The following FARS2 variants were observed in gnomAD, a reference collection of about 807,000 sequenced individuals.
FARS2 encodes phenylalanyl-tRNA synthetase 2, mitochondrial, also known as phenylalanine--tRNA ligase, mitochondrial.
Under a neutral mutation model 46.4 loss-of-function variants are expected in FARS2, and 40 were observed. The observed-to-expected ratio is 0.86, with a 90% CI of 0.67 to 1.12. FARS2 has a LOEUF of 1.12. Ranked by LOEUF, FARS2 falls within the 50% of genes most tolerant of loss-of-function variation. The probability of loss-of-function intolerance (pLI) is 0.00; values close to 1 mark genes in which losing one functional copy is unlikely to be tolerated. For missense variants in FARS2, 513 were observed against 567.9 expected (o/e 0.90, Z 0.98); for synonymous variants, 234 against 214.9 (o/e 1.09, Z -0.78).
chr6:5,479,711 A>G (rs1053124922), intron 4 of FARS2, among the ~76,000 whole-genome samples: 6 of 152,240 alleles, frequency 3.9e-5, no homozygotes, highest in South Asian at 2.1e-4. Flanking sequence ...TATCGTGTAT[A>G]TAAAATTCCA....
chr6:5,666,831 A>G (rs992524299), intron 6 of FARS2, among the ~76,000 whole-genome samples: 17 of 152,236 alleles, frequency 1.1e-4, no homozygotes, highest in Non-Finnish European at 1.5e-4. Context: ...AGGATCATCA[A>G]TGGTAGACGA....
intron 3 of FARS2, among the ~76,000 whole-genome samples, chr6:5,406,322 A>T (rs1761592333): frequency 6.6e-6 from 1 of 152,200 alleles, no homozygotes; most frequent in Non-Finnish European, 1.5e-5. Flanking sequence ...GCACAGTCTT[A>T]CAAGTTTTGA....
chr6:5,474,556 A>T (rs1269511137), intron 4 of FARS2, among the ~76,000 whole-genome samples: 2 of 152,142 alleles, frequency 1.3e-5, no homozygotes, highest in African/African-American at 4.8e-5. Flanking sequence ...GGCTACAAAC[A>T]TGTACAGCAC....
At chr6:5,480,424 A>G (rs550808605) in intron 4 of FARS2, among the ~76,000 whole-genome samples, 12 of 152,348 alleles carry the variant, frequency 7.9e-5, no homozygotes, top group Middle Eastern at 3.4e-3. Flanking sequence ...AAGTAAGAAC[A>G]TGGCGCAGAA....
chr6:5,368,357 G>A (rs1758811396), intron 1 of FARS2, among the ~76,000 whole-genome samples, 193 bp from the exon 2 acceptor site: 1 of 152,184 alleles, frequency 6.6e-6, no homozygotes. Flanking sequence ...TGACTTCCAG[G>A]AATCTTTTCA....
At chr6:5,669,934 G>C (rs755720992) in intron 6 of FARS2, among the ~76,000 whole-genome samples, 1 of 152,158 alleles carries the variant, frequency 6.6e-6, no homozygotes, top group South Asian at 2.1e-4. Flanking sequence ...ACCTATGAAC[G>C]GGGGTGGGGA....
intron 6 of FARS2, among the ~76,000 whole-genome samples, chr6:5,745,183 G>A (rs192127318): frequency 2.4e-4 from 37 of 152,358 alleles, no homozygotes; most frequent in Admixed American, 2.2e-3. Flanking sequence ...TATCTCTCAT[G>A]ATGCCCAATT....
chr6:5,533,139 G>A (rs750853668), intron 4 of FARS2, among the ~76,000 whole-genome samples: 7 of 152,074 alleles, frequency 4.6e-5, no homozygotes, highest in Non-Finnish European at 8.8e-5. Flanking sequence ...GGGGACTTGC[G>A]ACGCTGTGCC....
chr6:5,272,201 A>T (rs1263560049), intron 1 of FARS2, among the ~76,000 whole-genome samples: 8 of 152,220 alleles, frequency 5.3e-5, no homozygotes, highest in Admixed American at 5.2e-4. Context: ...CGTTATGGAT[A>T]GATGACAAGA....
chr6:5,264,003 G>A (rs1765373326), intron 1 of FARS2, among the ~76,000 whole-genome samples: 1 of 152,160 alleles, frequency 6.6e-6, no homozygotes, highest in Admixed American at 6.5e-5. Context: ...CTTGAGCCCA[G>A]GAGTTTGAGA....
At chr6:5,388,483 C>G (rs1194163755) in intron 2 of FARS2, among the ~76,000 whole-genome samples, 3 of 152,086 alleles carry the variant, frequency 2.0e-5, no homozygotes, top group Non-Finnish European at 4.4e-5. Flanking sequence ...TAAAATAGTT[C>G]TCTATGTCTT....
chr6:5,552,083 A>G (rs1024107725), intron 5 of FARS2, among the ~76,000 whole-genome samples: 1 of 152,208 alleles, frequency 6.6e-6, no homozygotes, highest in Non-Finnish European at 1.5e-5. Context: ...CTATTTCGTC[A>G]TGACAGATTG....
intron 1 of FARS2, among the ~76,000 whole-genome samples, chr6:5,305,497 T>G (rs1768634273): frequency 6.6e-6 from 1 of 152,162 alleles, no homozygotes; most frequent in Admixed American, 6.5e-5. Context: ...GAAAGGAAAT[T>G]TCAACTGAGA....
intron 6 of FARS2, among the ~76,000 whole-genome samples, chr6:5,682,322 G>A (rs1779076226): frequency 6.6e-6 from 1 of 152,114 alleles, no homozygotes; most frequent in African/African-American, 2.4e-5. Context: ...AAATTTAATG[G>A]CAGATGAGAA....
intron 1 of FARS2, among the ~76,000 whole-genome samples, chr6:5,320,004 G>A (rs2753252): frequency 1.5e-4 from 23 of 152,202 alleles, no homozygotes; most frequent in African/African-American, 5.5e-4. Flanking sequence ...GAAACAAAAA[G>A]CAAGTGCTTT....
At chr6:5,655,906 A>G (rs952986278) in intron 6 of FARS2, among the ~76,000 whole-genome samples, 7 of 152,330 alleles carry the variant, frequency 4.6e-5, no homozygotes, top group East Asian at 1.9e-4. Flanking sequence ...TTCAAAACAC[A>G]TAACTCACTT....
intron 4 of FARS2, among the ~76,000 whole-genome samples, chr6:5,531,552 G>T (rs1178373576): frequency 1.3e-5 from 2 of 152,188 alleles, no homozygotes; most frequent in African/African-American, 4.8e-5. Flanking sequence ...AACACTGCTT[G>T]TAAGACCCAG....
chr6:5,711,411 T>C (rs1362623018), intron 6 of FARS2, among the ~76,000 whole-genome samples: 1 of 152,138 alleles, frequency 6.6e-6, no homozygotes, highest in African/African-American at 2.4e-5. Flanking sequence ...TAGTGTGGGC[T>C]GTACATAAAG....
At chr6:5,768,836 C>T (rs1047791859) in intron 6 of FARS2, among the ~76,000 whole-genome samples, 5 of 151,934 alleles carry the variant, frequency 3.3e-5, no homozygotes, top group African/African-American at 9.7e-5. Context: ...GCTATTTTAT[C>T]GTTGAGTTGT....
Sources: allele counts gnomAD v4.1 joint callset (sites outside exome capture counted in the v4.1 genomes callset), GRCh38; gene constraint gnomAD v4.1.1; transcripts MANE v1.5; gene names NCBI Gene and HGNC (gene_info 2026-07-23, HGNC 2026-07-21).